The following TMEM132C variants were observed in gnomAD, a reference collection of about 807,000 sequenced individuals.
TMEM132C encodes transmembrane protein 132C.
TMEM132C carries 29 observed loss-of-function variants against 61.4 expected under a neutral mutation model. The ratio of observed to expected loss-of-function variants is 0.47; its 90% CI spans 0.35 to 0.64. The LOEUF is 0.64. Ranked by LOEUF, TMEM132C falls within the 30% of genes least tolerant of loss-of-function variation. TMEM132C has a pLI of 0.00. For missense variants in TMEM132C, 1,408 were observed against 1,476.9 expected (o/e 0.95, Z 0.76); for synonymous variants, 656 against 633.1 (o/e 1.04, Z -0.54).
In TMEM132C at chr12:128,706,098, C is replaced by T. The variant is rs1954837973; in HGVS notation, c.3130C>T (p.Leu1044=). 1 of 1,551,598 alleles carries T rather than the reference C, an allele frequency of 6.4e-7. No homozygotes were observed. Residue 1044 remains leucine, a synonymous_variant, in exon 9 of 9, where the codon CTG becomes TTG. Coordinates refer to ENST00000435159, the MANE Select transcript of TMEM132C (RefSeq NM_001136103.3). The stretch of plus-strand genomic sequence containing the variant: ...GGGCAGAGAACAGAAGCAGGACCCC[C>T]TGCACTCGCCCACCTCCAAGAGGAA... ...RQGREQKQDP[L]HSPTSKRKKV...
chr12:128,441,715 C>T (rs1484053413), intron 2 of TMEM132C, among the ~76,000 whole-genome samples: 2 of 152,230 alleles, frequency 1.3e-5, no homozygotes, highest in African/African-American at 2.4e-5. Context: ...TGTTCCTGCT[C>T]TTGCCTTCCC....
At chr12:128,516,550 G>T (rs967681226) in intron 2 of TMEM132C, among the ~76,000 whole-genome samples, 3 of 151,918 alleles carry the variant, frequency 2.0e-5, no homozygotes, top group African/African-American at 7.3e-5. Flanking sequence ...AGTTTAGGGT[G>T]CTGTCACAAC....
At chr12:128,316,310 C>T (rs1441221259) in intron 1 of TMEM132C, among the ~76,000 whole-genome samples, 1 of 152,144 alleles carries the variant, frequency 6.6e-6, no homozygotes, top group African/African-American at 2.4e-5. Flanking sequence ...CTTAGCATTG[C>T]TGGCAAAACC....
Position 128,706,430 on chromosome 12 carries a change from G to C in TMEM132C, c.*135G>C. ...CATGCTAGACCAGTTGGAAAGTTTT[G>C]AAGTCAGGAAAAGACGTTTTTGTAT... is the stretch of plus-strand genomic sequence containing the variant. On this transcript the variant is annotated 3_prime_UTR_variant, in exon 9 of 9. Coordinates refer to ENST00000435159, the MANE Select transcript of TMEM132C (RefSeq NM_001136103.3). 8.3e-7 allele frequency: 1 copy of C among 1,206,388 alleles called. No individual in the cohort carries two copies. The highest frequency in any genetic ancestry group is 1.1e-6 in the Non-Finnish European group (1 of 917,640). The allele number at this position is 1,206,388 out of a possible 1,614,324, so 74.7% of individuals were successfully genotyped here. A position where few individuals can be genotyped will look rare whatever the true frequency, so the allele number is the denominator to read the frequency against.
intron 4 of TMEM132C, among the ~76,000 whole-genome samples, chr12:128,616,720 C>A (rs564315882): frequency 6.6e-6 from 1 of 152,202 alleles, no homozygotes; most frequent in East Asian, 1.9e-4. Flanking sequence ...TGCCCTTCAT[C>A]TCCTCTTTCC....
At chr12:128,580,134 A>G (rs569459347) in intron 3 of TMEM132C, among the ~76,000 whole-genome samples, 1 of 152,296 alleles carries the variant, frequency 6.6e-6, no homozygotes, top group East Asian at 1.9e-4. Flanking sequence ...GTAAAGTGGG[A>G]ATAATACTGT....
Position 128,326,067 on chromosome 12 carries a change from C to T in TMEM132C, c.85+58580C>T, listed in dbSNP as rs1022488847. On this transcript the variant is annotated intron_variant, in intron 1 of 8. Coordinates refer to ENST00000435159, the MANE Select transcript of TMEM132C (RefSeq NM_001136103.3). The surrounding 1 kb of genome is among the most constrained non-coding windows in gnomAD (Gnocchi z 5.6). ...AGTATTCACACAGTATTGGAATGAA[C>T]GAGTAAATGAATGAATGCATGCATT... is the stretch of plus-strand genomic sequence containing the variant. Among the ~76,000 whole-genome samples the T allele has an allele frequency of 3.3e-5, 5 of 152,094 alleles. No individual in the cohort carries two copies. Among genetic ancestry groups the T allele is most frequent in the South Asian group, 2.1e-4 (1 of 4,816 alleles).
At chr12:128,411,985 A>G (rs980333229) in intron 1 of TMEM132C, among the ~76,000 whole-genome samples, 1 of 152,194 alleles carries the variant, frequency 6.6e-6, no homozygotes, top group African/African-American at 2.4e-5. Context: ...AAGTAGTTTC[A>G]GAATTGCTAA....
At chr12:128,587,889 A>G (rs1875607468) in intron 3 of TMEM132C, among the ~76,000 whole-genome samples, 1 of 152,244 alleles carries the variant, frequency 6.6e-6, no homozygotes, top group African/African-American at 2.4e-5. Context: ...CGAATGAGGA[A>G]AACATGATGC....
intron 2 of TMEM132C, among the ~76,000 whole-genome samples, chr12:128,536,173 C>T (rs1873518431): frequency 6.6e-6 from 1 of 152,132 alleles, no homozygotes; most frequent in Admixed American, 6.5e-5. Flanking sequence ...TGGATTAAGA[C>T]AATATGACAC....
At chr12:128,463,361 C>T (rs953524401) in intron 2 of TMEM132C, among the ~76,000 whole-genome samples, 30 of 151,996 alleles carry the variant, frequency 2.0e-4, no homozygotes, top group South Asian at 4.2e-4. Flanking sequence ...TCTTGTTGCC[C>T]GGGCTGGAGT....
intron 2 of TMEM132C, among the ~76,000 whole-genome samples, chr12:128,457,825 A>G (rs777582759): frequency 6.6e-6 from 1 of 152,122 alleles, no homozygotes; most frequent in South Asian, 2.1e-4. Flanking sequence ...TCTAATTTTC[A>G]TATTCAACTG....
At chr12:128,629,020 G>A (rs771798106) in intron 4 of TMEM132C, among the ~76,000 whole-genome samples, 2 of 152,196 alleles carry the variant, frequency 1.3e-5, no homozygotes, top group Admixed American at 6.5e-5. Flanking sequence ...GAGGAGGAAA[G>A]AAAATATTTT....
At chr12:128,615,022 C>T (rs146550681) in intron 3 of TMEM132C, among the ~76,000 whole-genome samples, 1 of 152,236 alleles carries the variant, frequency 6.6e-6, no homozygotes, top group African/African-American at 2.4e-5. Flanking sequence ...CACCAGAAAA[C>T]CCCAACTGCC....
At chr12:128,491,973 T>C (rs577719269) in intron 2 of TMEM132C, among the ~76,000 whole-genome samples, 100 of 152,092 alleles carry the variant, frequency 6.6e-4, no homozygotes, top group African/African-American at 2.2e-3. Flanking sequence ...TTACATTAGG[T>C]ATATCTCCTA....
chr12:128,290,940 A>T (rs551889333), intron 1 of TMEM132C, among the ~76,000 whole-genome samples: 1 of 152,158 alleles, frequency 6.6e-6, no homozygotes, highest in African/African-American at 2.4e-5. Context: ...CAGAATTCTG[A>T]TGTATACATA....
At chr12:128,558,117 C>T (rs1218246192) in intron 3 of TMEM132C, among the ~76,000 whole-genome samples, 2 of 152,190 alleles carry the variant, frequency 1.3e-5, no homozygotes, top group African/African-American at 4.8e-5. Context: ...GAGGGGTGCC[C>T]ACCTGGAGTG....
At chr12:128,306,392 T>C (rs35255013) in intron 1 of TMEM132C, among the ~76,000 whole-genome samples, 55,234 of 151,356 alleles carry the variant, frequency 0.36, 11,927 homozygotes, top group Non-Finnish European at 0.49. Context: ...TTAGTAGAGA[T>C]GGGGTTTCAT....
intron 3 of TMEM132C, among the ~76,000 whole-genome samples, chr12:128,598,435 C>G (rs1266525172): frequency 1.3e-5 from 2 of 151,390 alleles, no homozygotes; most frequent in African/African-American, 4.9e-5. Flanking sequence ...GACATGGTCT[C>G]AAAGAAAAAA....
Sources: allele counts gnomAD v4.1 joint callset (sites outside exome capture counted in the v4.1 genomes callset), GRCh38; gene constraint gnomAD v4.1.1; non-coding constraint Gnocchi (gnomAD v3.1); transcripts MANE v1.5; gene names NCBI Gene and HGNC (gene_info 2026-07-23, HGNC 2026-07-21).